Variants in NAV3 observed in about 807,000 individuals in gnomAD.
NAV3 encodes the protein neuron navigator 3, also known as pore membrane and/or filament interacting like protein 1.
In NAV3, 87 loss-of-function variants were observed where a neutral mutation model predicts 244.7. The observed-to-expected ratio is 0.36, with a 90% CI of 0.30 to 0.42. The LOEUF (loss-of-function observed/expected upper bound fraction) is 0.42, where lower values mean the gene tolerates loss of function less well. Ranked by LOEUF, NAV3 falls within the 20% of genes least tolerant of loss-of-function variation. The pLI is 1.00. For missense variants in NAV3, 2,663 were observed against 2,893.3 expected (o/e 0.92, Z 1.83); for synonymous variants, 1,126 against 1,042.2 (o/e 1.08, Z -1.55).
intron 12 of NAV3, among the ~76,000 whole-genome samples, chr12:78,081,898 C>T (rs1436272382): frequency 6.6e-6 from 1 of 152,182 alleles, no homozygotes; most frequent in Non-Finnish European, 1.5e-5. Flanking sequence ...TTAAGTAGAT[C>T]TTTTCCTGGA....
intron 2 of NAV3, among the ~76,000 whole-genome samples, chr12:77,693,190 G>T (rs893437266): frequency 2.6e-5 from 4 of 151,996 alleles, no homozygotes; most frequent in Admixed American, 2.6e-4. Flanking sequence ...TTTAAATAAA[G>T]TTATAGTAAT....
chr12:77,975,383 G>C (rs1868301262), intron 5 of NAV3, among the ~76,000 whole-genome samples: 1 of 152,172 alleles, frequency 6.6e-6, no homozygotes, highest in Non-Finnish European at 1.5e-5. Flanking sequence ...TTTCATTCTA[G>C]TAATTGGAGA....
intron 9 of NAV3, among the ~76,000 whole-genome samples, chr12:78,027,460 G>A (rs1878258978): frequency 6.6e-6 from 1 of 151,600 alleles, no homozygotes; most frequent in Non-Finnish European, 1.5e-5. Flanking sequence ...AAAAGGGTGG[G>A]GGGCCGGGGG....
At chr12:77,986,332 T>C (rs1300610698) in intron 5 of NAV3, among the ~76,000 whole-genome samples, 1 of 152,134 alleles carries the variant, frequency 6.6e-6, no homozygotes, top group Non-Finnish European at 1.5e-5. Flanking sequence ...ACTGCACTCC[T>C]GCCTGGGCGA....
intron 2 of NAV3, among the ~76,000 whole-genome samples, chr12:77,824,674 C>T (rs1463481433): frequency 6.6e-6 from 1 of 151,912 alleles, no homozygotes; most frequent in Non-Finnish European, 1.5e-5. Flanking sequence ...AGGTGGATTA[C>T]CTGAAGTCAG....
intron 20 of NAV3, among the ~76,000 whole-genome samples, chr12:78,142,555 G>C (rs1309617271): frequency 6.6e-6 from 1 of 150,950 alleles, no homozygotes; most frequent in Admixed American, 6.6e-5. Flanking sequence ...TACATTTGTA[G>C]ATAGGAGTGG....
chr12:77,637,660 T>C (rs1334314605), intron 2 of NAV3, among the ~76,000 whole-genome samples: 1 of 152,200 alleles, frequency 6.6e-6, no homozygotes, highest in Non-Finnish European at 1.5e-5. Flanking sequence ...AGCTAGCAAG[T>C]ACAGCTTTTG....
intron 2 of NAV3, among the ~76,000 whole-genome samples, chr12:77,727,332 T>A (rs552256585): frequency 2.0e-3 from 302 of 151,988 alleles, no homozygotes; most frequent in African/African-American, 6.9e-3. Flanking sequence ...TGGAGCTTTA[T>A]CTGTGGAAGC....
Position 77,831,532 on chromosome 12 carries a change from T to C in NAV3, c.71T>C (p.Leu24Pro), listed in dbSNP as rs184586748. The change falls in exon 1 of 40, where the codon CTT becomes CCT. Residue 24 changes from leucine (L) to proline (P), a missense_variant. This residue lies in a region of NAV3 where 1,521 missense variants were observed against 1,497.0 expected (regional missense o/e 1.02). Coordinates refer to ENST00000397909, the MANE Select transcript of NAV3 (RefSeq NM_001024383.2). ...GGGTCAAAGCCTGTGCATACTGCTCTTCCGATACCAAATCTTGGCACTACT... is the reference window on the plus strand; with the variant it reads ...GGGTCAAAGCCTGTGCATACTGCTCCTCCGATACCAAATCTTGGCACTACT... ...AVGSKPVHTA[L>P]PIPNLGTTGS... 1.1e-5 allele frequency: 18 copies of C among 1,614,132 alleles called. No homozygotes were observed. The Admixed American group carries it at 1.2e-4, about 10-fold the overall frequency.
chr12:77,763,964 C>T (rs909554861), intron 2 of NAV3, among the ~76,000 whole-genome samples: 4 of 152,286 alleles, frequency 2.6e-5, no homozygotes, highest in South Asian at 2.1e-4. Flanking sequence ...TGGAATACTC[C>T]GAGGCCTGGG....
chr12:77,584,981 C>T (rs182205010), intron 2 of NAV3, among the ~76,000 whole-genome samples: 9 of 152,258 alleles, frequency 5.9e-5, no homozygotes, highest in African/African-American at 9.6e-5. Context: ...GAATGCCTGA[C>T]GGATGATACA....
intron 2 of NAV3, among the ~76,000 whole-genome samples, chr12:77,702,025 T>C (rs1875584689): frequency 6.6e-6 from 1 of 152,020 alleles, no homozygotes. Flanking sequence ...TTGATTTTTC[T>C]AGTTGTGTTA....
intron 2 of NAV3, among the ~76,000 whole-genome samples, chr12:77,777,797 CT>C (rs373864294): frequency 1.6e-5 from 2 of 124,402 alleles, no homozygotes; most frequent in African/African-American, 5.2e-5. Flanking sequence ...ATTTTCTTTA[CT>C]TTTTTTTTCT....
At chr12:77,778,025 CA>C in intron 2 of NAV3, among the ~76,000 whole-genome samples, 1 of 152,104 alleles carries the variant, frequency 6.6e-6, no homozygotes, top group East Asian at 1.9e-4. Flanking sequence ...AGGCTGGTTT[CA>C]AACTCCCGAC....
At chr12:77,629,399 T>C (rs1871786155) in intron 2 of NAV3, among the ~76,000 whole-genome samples, 1 of 152,242 alleles carries the variant, frequency 6.6e-6, no homozygotes, top group African/African-American at 2.4e-5. Flanking sequence ...TAACTGGCCT[T>C]TCATTTGACA....
At chr12:78,007,474 G>A (rs1478696002) in intron 8 of NAV3, 29 bp downstream of exon 8, 2 of 1,595,084 alleles carry the variant, frequency 1.3e-6, no homozygotes, top group East Asian at 2.2e-5. Context: ...ATCCACAGTT[G>A]TAAATATATT....
chr12:78,013,529 C>T (rs1352548034), intron 8 of NAV3, among the ~76,000 whole-genome samples: 2 of 152,002 alleles, frequency 1.3e-5, no homozygotes, highest in African/African-American at 2.4e-5. Context: ...GTAGGCTGGT[C>T]GGCAAGTAGG....
chr12:77,744,466 A>T (rs1156461593), intron 2 of NAV3, among the ~76,000 whole-genome samples: 1 of 151,918 alleles, frequency 6.6e-6, no homozygotes, highest in Non-Finnish European at 1.5e-5. Context: ...AATATGAAAG[A>T]CTGGAGTGAA....
chr12:77,918,137 A>G (rs1413200001), intron 1 of NAV3, among the ~76,000 whole-genome samples: 1 of 152,062 alleles, frequency 6.6e-6, no homozygotes, highest in Non-Finnish European at 1.5e-5. Context: ...TCCATATGGA[A>G]TGGTTAACTG....
Sources: allele counts gnomAD v4.1 joint callset (sites outside exome capture counted in the v4.1 genomes callset), GRCh38; gene constraint gnomAD v4.1.1; regional missense constraint gnomAD v4.1.1; transcripts MANE v1.5; gene names NCBI Gene and HGNC (gene_info 2026-07-23, HGNC 2026-07-21).